Variants in CRIM1 observed in about 807,000 individuals in gnomAD.
CRIM1 encodes the protein cysteine-rich motor neuron 1 protein.
A neutral mutation model predicts 116.4 loss-of-function variants in CRIM1; 32 were observed. That is an observed-to-expected ratio of 0.27 (90% CI 0.21 to 0.37). CRIM1 has a LOEUF of 0.37. CRIM1 is among the 10% of genes least tolerant of loss of function. The pLI is 1.00. For missense variants in CRIM1, 1,331 were observed against 1,354.8 expected (o/e 0.98, Z 0.28); for synonymous variants, 590 against 509.2 (o/e 1.16, Z -2.13).
intron 7 of CRIM1, among the ~76,000 whole-genome samples, chr2:36,495,904 A>G (rs1181577695): frequency 1.3e-5 from 2 of 152,154 alleles, no homozygotes; most frequent in African/African-American, 2.4e-5. Flanking sequence ...CTTACCGGTC[A>G]TATTTTTGTC....
intron 3 of CRIM1, 134 bp downstream of exon 3, chr2:36,441,634 T>G: frequency 8.8e-7 from 1 of 1,136,572 alleles, no homozygotes; most frequent in Admixed American, 2.3e-5. Flanking sequence ...TCTGCCACTT[T>G]GGGCTAATGG....
At chr2:36,401,366 TAAGG>T (rs780698649) in intron 2 of CRIM1, among the ~76,000 whole-genome samples, 16 of 152,358 alleles carry the variant, frequency 1.1e-4, no homozygotes, top group Non-Finnish European at 2.2e-4. Context: ...CTGTATTTTC[TAAGG>T]AAGAAGTCTG....
At position 36,474,847 on chromosome 2, in the gene CRIM1, C is replaced by CAAA. The variant is rs56084308; in HGVS notation, c.992-2025_992-2023dup. Among the ~76,000 whole-genome samples, 809 of 90,702 alleles carry CAAA rather than the reference C, an allele frequency of 8.9e-3. 36 individuals are homozygous for CAAA. Among genetic ancestry groups the CAAA allele is most frequent in the African/African-American group, 0.034 (770 of 22,598 alleles). 59.5% of individuals were successfully genotyped at this position (90,702 alleles called of 152,430 possible). The stretch of plus-strand genomic sequence containing the variant: ...TGGGTGACAGAGTGAGACTCTATAT[C>CAAA]AAAAAAAAAAAAAAAAAAAGACTTT... On this transcript the variant is annotated intron_variant, in intron 5 of 16. Transcript: ENST00000280527.
intron 5 of CRIM1, among the ~76,000 whole-genome samples, chr2:36,475,359 G>A (rs140273801): frequency 1.3e-5 from 2 of 152,142 alleles, no homozygotes; most frequent in African/African-American, 4.8e-5. Flanking sequence ...TATTGTGATT[G>A]GAATTGTTTT....
chr2:36,536,781 T>C (rs1163555684), intron 13 of CRIM1, among the ~76,000 whole-genome samples: 10 of 150,666 alleles, frequency 6.6e-5, no homozygotes, highest in Non-Finnish European at 1.2e-4. Context: ...GCTCTTTTTT[T>C]CTCAAAAACC....
intron 1 of CRIM1, among the ~76,000 whole-genome samples, chr2:36,388,362 C>G (rs1412216376): frequency 6.6e-6 from 1 of 152,060 alleles, no homozygotes; most frequent in Non-Finnish European, 1.5e-5. Context: ...TCTAATTGGT[C>G]TGATAATGGA....
chr2:36,495,213 C>T (rs995911310), intron 7 of CRIM1, among the ~76,000 whole-genome samples: 3 of 152,104 alleles, frequency 2.0e-5, no homozygotes, highest in Non-Finnish European at 4.4e-5. Context: ...CTTGTATTCT[C>T]CGACACACAG....
At chr2:36,503,433 C>CCT (rs1553325834) in intron 8 of CRIM1, among the ~76,000 whole-genome samples, 3 of 152,024 alleles carry the variant, frequency 2.0e-5, no homozygotes, top group Non-Finnish European at 4.4e-5. Flanking sequence ...AAAGCTAACT[C>CCT]TGGCTGGCAT....
intron 13 of CRIM1, 46 bp downstream of exon 13, chr2:36,522,359 T>A: frequency 7.1e-7 from 1 of 1,411,848 alleles, no homozygotes; most frequent in Non-Finnish European, 1.0e-6. Context: ...CAGTTGTCAC[T>A]AAATCTGTAT....
At chr2:36,359,593 G>T (rs928449578) in intron 1 of CRIM1, among the ~76,000 whole-genome samples, 24 of 152,126 alleles carry the variant, frequency 1.6e-4, no homozygotes, top group Non-Finnish European at 2.4e-4. Flanking sequence ...TCCATAGAAA[G>T]AATGCTGAAG....
intron 2 of CRIM1, among the ~76,000 whole-genome samples, chr2:36,399,215 G>T (rs1197446070): frequency 6.6e-6 from 1 of 152,230 alleles, no homozygotes; most frequent in East Asian, 1.9e-4. Flanking sequence ...GGTAATATGA[G>T]CAATCAGAAA....
Position 36,441,508 on chromosome 2 carries a change from C to G in CRIM1, c.748+8C>G, listed in dbSNP as rs1326596211. On this transcript the variant is annotated splice_region_variant and intron_variant, in intron 3 of 16. Transcript: ENST00000280527. The stretch of plus-strand genomic sequence containing the variant: ...TCTATGAGTGCAAACCAGGTATGCA[C>G]GAGCTCTGTCTCAGCAGCCTTGTTC... The G allele has an allele frequency of 1.2e-6, 2 of 1,606,646 alleles. No homozygotes were observed. The highest frequency in any genetic ancestry group is 1.7e-6 in the Non-Finnish European group (2 of 1,179,544).
At chr2:36,416,261 A>G (rs1673612222) in intron 2 of CRIM1, among the ~76,000 whole-genome samples, 1 of 152,094 alleles carries the variant, frequency 6.6e-6, no homozygotes, top group African/African-American at 2.4e-5. Context: ...CTAAATTATA[A>G]AAGATAACTT....
At chr2:36,469,911 G>GAT (rs1264534689) in intron 5 of CRIM1, among the ~76,000 whole-genome samples, 1 of 152,018 alleles carries the variant, frequency 6.6e-6, no homozygotes, top group African/African-American at 2.4e-5. Flanking sequence ...CCTGAAATAG[G>GAT]ATATGCTTGG....
chr2:36,375,116 A>T (rs922610618), intron 1 of CRIM1, among the ~76,000 whole-genome samples: 1 of 151,944 alleles, frequency 6.6e-6, no homozygotes, highest in African/African-American at 2.4e-5. Context: ...TGCAACTTGT[A>T]TGCTTTGCAT....
chr2:36,458,676 G>A (rs947887158), intron 4 of CRIM1, among the ~76,000 whole-genome samples: 4 of 152,174 alleles, frequency 2.6e-5, no homozygotes, highest in African/African-American at 9.7e-5. Context: ...AGGATCAGGG[G>A]AGTAAGGGAC....
chr2:36,479,894 A>G (rs848542), intron 7 of CRIM1, among the ~76,000 whole-genome samples, 200 bp downstream of exon 7: 150,160 of 152,376 alleles, frequency 0.99, 73,988 homozygotes, highest in East Asian at 1. Flanking sequence ...TAGTGTGGTC[A>G]TTATTTTGCC....
intron 8 of CRIM1, among the ~76,000 whole-genome samples, chr2:36,508,607 C>A (rs938325654): frequency 6.6e-6 from 1 of 152,190 alleles, no homozygotes; most frequent in South Asian, 2.1e-4. Flanking sequence ...TTGGCCATCA[C>A]CATATTAACT....
chr2:36,486,206 T>G (rs952627290), intron 7 of CRIM1, among the ~76,000 whole-genome samples: 1 of 152,228 alleles, frequency 6.6e-6, no homozygotes, highest in Non-Finnish European at 1.5e-5. Context: ...TATAGAAATA[T>G]GTACATTATA....
Sources: gnomAD v4.1 joint callset for allele counts (sites outside exome capture counted in the v4.1 genomes callset) on GRCh38, gnomAD v4.1.1 for gene constraint, MANE v1.5 for transcripts, NCBI Gene and HGNC (gene_info 2026-07-23, HGNC 2026-07-21) for gene names.